Variants in L3MBTL3 observed in about 807,000 individuals in gnomAD.
L3MBTL3 encodes L3MBTL histone methyl-lysine binding protein 3, also known as lethal(3)malignant brain tumor-like protein 3.
Under a neutral mutation model 102.3 loss-of-function variants are expected in L3MBTL3, and 27 were observed. That is an observed-to-expected ratio of 0.26 (90% CI 0.19 to 0.36). The LOEUF is 0.36. L3MBTL3 is among the 10% of genes least tolerant of loss of function. The pLI is 1.00. For missense variants in L3MBTL3, 798 were observed against 955.3 expected, an observed-to-expected ratio of 0.84 and a Z score of 2.17; for synonymous variants, 340 against 320.9, an observed-to-expected ratio of 1.06 and a Z score of -0.64.
intron 13 of L3MBTL3, among the ~76,000 whole-genome samples, chr6:130,071,445 A>G (rs1043073493): frequency 6.6e-6 from 1 of 152,202 alleles, no homozygotes; most frequent in African/African-American, 2.4e-5. Flanking sequence ...TAATTTAAAC[A>G]TTCGTAATAG....
intron 19 of L3MBTL3, among the ~76,000 whole-genome samples, chr6:130,109,040 TC>T (rs1194920210): frequency 6.6e-6 from 1 of 152,192 alleles, no homozygotes; most frequent in Non-Finnish European, 1.5e-5. Flanking sequence ...ATGAACTCAT[TC>T]TTTTTTATGG....
At chr6:130,053,166 G>T (rs142566967) in intron 7 of L3MBTL3, among the ~76,000 whole-genome samples, 175 bp downstream of exon 7, 1 of 145,092 alleles carries the variant, frequency 6.9e-6, no homozygotes, top group Admixed American at 7.2e-5. Context: ...ATCTCAAAAT[G>T]GGAATCATAA....
At chr6:130,105,171 G>T (rs538638643) in intron 19 of L3MBTL3, among the ~76,000 whole-genome samples, 1 of 152,222 alleles carries the variant, frequency 6.6e-6, no homozygotes, top group South Asian at 2.1e-4. Context: ...TTAAAAGAAA[G>T]AACAGATTAG....
intron 12 of L3MBTL3, among the ~76,000 whole-genome samples, chr6:130,070,480 C>T (rs1263204518): frequency 6.6e-6 from 1 of 152,124 alleles, no homozygotes; most frequent in African/African-American, 2.4e-5. Context: ...ATGAAGATGA[C>T]CTACTTTCGA....
chr6:130,138,163 G>T (rs543922353), intron 22 of L3MBTL3: 18 of 152,318 alleles, frequency 1.2e-4, no homozygotes, highest in African/African-American at 4.3e-4. Context: ...AAAATCTTAA[G>T]AAGTAGCAAT....
intron 18 of L3MBTL3, among the ~76,000 whole-genome samples, chr6:130,101,934 C>T (rs910847045): frequency 5.3e-5 from 8 of 152,132 alleles, no homozygotes; most frequent in African/African-American, 1.7e-4. Context: ...TACCGTCTGC[C>T]CATGCTCATG....
chr6:130,084,614 G>A (rs574741449), intron 15 of L3MBTL3, among the ~76,000 whole-genome samples: 63 of 152,286 alleles, frequency 4.1e-4, no homozygotes, highest in African/African-American at 1.5e-3. Flanking sequence ...TGCCATATTT[G>A]TGAATTTTTA....
chr6:130,083,119 G>A (rs1477400782), intron 14 of L3MBTL3, among the ~76,000 whole-genome samples: 2 of 152,066 alleles, frequency 1.3e-5, no homozygotes, highest in African/African-American at 4.8e-5. Flanking sequence ...ATTTGTGTGT[G>A]TTTGTTGGAA....
chr6:130,033,193 C>T (rs1779836349), intron 2 of L3MBTL3, among the ~76,000 whole-genome samples: 1 of 152,034 alleles, frequency 6.6e-6, no homozygotes, highest in Non-Finnish European at 1.5e-5. Flanking sequence ...GAAAGGATGA[C>T]GGGAGCTGGG....
At chr6:130,118,911 A>G (rs1305849890) in intron 19 of L3MBTL3, among the ~76,000 whole-genome samples, 1 of 152,176 alleles carries the variant, frequency 6.6e-6, no homozygotes, top group Non-Finnish European at 1.5e-5. Context: ...TTGGAAAGTG[A>G]TCTTTTTCTT....
At position 130,104,457 on chromosome 6, in the gene L3MBTL3, T is replaced by A. The variant is rs1340478043; in HGVS notation, c.1768T>A (p.Leu590Met). The change falls in exon 19 of 23, where the codon TTG becomes ATG. Residue 590 changes from leucine to methionine, a missense_variant. Physicochemically the swap from Leu to Met is conservative, Grantham distance 15. Coordinates refer to ENST00000361794, the MANE Select transcript of L3MBTL3 (RefSeq NM_032438.4). ...CAACTGTCCCTATTCAGAAATCAAT[T>A]TGAATAAAGACCGTATTTTTCCAGA... ...AANCPYSEINLNKDRIFPDRL... is the reference protein window; with the variant it reads ...AANCPYSEINMNKDRIFPDRL... 1 of 1,577,818 alleles carries A rather than the reference T, an allele frequency of 6.3e-7. No homozygotes were observed. Among genetic ancestry groups the A allele is most frequent in the Non-Finnish European group, 8.6e-7 (1 of 1,164,426 alleles).
At chr6:130,101,805 G>C (rs1360189730) in intron 18 of L3MBTL3, among the ~76,000 whole-genome samples, 1 of 152,176 alleles carries the variant, frequency 6.6e-6, no homozygotes, top group East Asian at 1.9e-4. Flanking sequence ...AGGCAGAATT[G>C]GTTTTGGTCA....
chr6:130,129,289 A>G lies in L3MBTL3; in HGVS notation c.1967-4163A>G, dbSNP rs528230978. ...CTCACTGAGAAAATTTTTTAAAAGT[A>G]GTGATTATTTGATTAAACATTAGAC... is the stretch of plus-strand genomic sequence containing the variant. On this transcript the variant is annotated intron_variant, in intron 20 of 22. Coordinates refer to ENST00000361794, the MANE Select transcript of L3MBTL3 (RefSeq NM_032438.4). Among the ~76,000 whole-genome samples, 19 of 152,304 alleles carry G rather than the reference A, an allele frequency of 1.2e-4. 1 individual carries two copies. In the South Asian group the frequency reaches 3.5e-3, roughly 28 times the overall value.
intron 13 of L3MBTL3, among the ~76,000 whole-genome samples, chr6:130,075,582 G>T (rs1782899959): frequency 6.6e-6 from 1 of 152,174 alleles, no homozygotes; most frequent in African/African-American, 2.4e-5. Flanking sequence ...TTTGCAAAAG[G>T]TTGAAGAGTG....
rs974362147 is a variant in L3MBTL3 at position 130,110,485 on chromosome 6, ACTCT to A, written c.1886+5913_1886+5916del. ...TGAATGGGAGTTCACTCATGATTTGACTCTCTGTTTGTCTATTATTGGTGTATAG... is the reference window on the plus strand; with the variant it reads ...TGAATGGGAGTTCACTCATGATTTGACTGTTTGTCTATTATTGGTGTATAG... On this transcript the variant is annotated intron_variant, in intron 19 of 22. Coordinates refer to ENST00000361794, the MANE Select transcript of L3MBTL3 (RefSeq NM_032438.4). 7.3e-5 allele frequency among the ~76,000 whole-genome samples: 11 copies of A among 151,614 alleles called. No individual in the cohort carries two copies. The South Asian group carries it at 1.3e-3, about 17-fold the overall frequency.
chr6:130,124,075 G>A (rs1382838641), intron 20 of L3MBTL3, among the ~76,000 whole-genome samples: 2 of 152,214 alleles, frequency 1.3e-5, no homozygotes, highest in East Asian at 3.8e-4. Flanking sequence ...TGTAGTTATA[G>A]CAGAGGCCTT....
In L3MBTL3 at chr6:130,104,502, C is replaced by T; in HGVS notation, c.1813C>T (p.Pro605Ser). The change falls in exon 19 of 23, where the codon CCT becomes TCT. Residue 605 changes from proline (P) to serine (S), a missense_variant. Pro to Ser is a moderately conservative substitution (Grantham distance 74). Coordinates refer to ENST00000361794, the MANE Select transcript of L3MBTL3 (RefSeq NM_032438.4). ...IFPDRLSGEMPPASPSFPRNK... is the reference protein window; with the variant it reads ...IFPDRLSGEMSPASPSFPRNK... The stretch of plus-strand genomic sequence containing the variant: ...TCCAGACCGCTTAAGTGGTGAGATG[C>T]CTCCGGCTAGTCCGTCATTTCCAAG... 1 of 1,597,836 alleles carries T rather than the reference C, an allele frequency of 6.3e-7. No homozygotes were observed. Among genetic ancestry groups the T allele is most frequent in the Non-Finnish European group, 8.5e-7 (1 of 1,172,674 alleles).
chr6:130,022,515 T>G (rs572673010), intron 2 of L3MBTL3, among the ~76,000 whole-genome samples: 1 of 152,234 alleles, frequency 6.6e-6, no homozygotes, highest in East Asian at 1.9e-4. Context: ...GGATAATCTT[T>G]GTATTGCCTT....
At chr6:130,071,369 C>T (rs944182110) in intron 13 of L3MBTL3, among the ~76,000 whole-genome samples, 1 of 152,164 alleles carries the variant, frequency 6.6e-6, no homozygotes, top group Non-Finnish European at 1.5e-5. Flanking sequence ...AGTCTGCACA[C>T]TCCACATTCC....
Sources: gnomAD v4.1 joint callset for allele counts (sites outside exome capture counted in the v4.1 genomes callset) on GRCh38, gnomAD v4.1.1 for gene constraint, MANE v1.5 for transcripts, NCBI Gene and HGNC (gene_info 2026-07-23, HGNC 2026-07-21) for gene names.